Variants in SYTL2 observed in about 807,000 individuals in gnomAD.
SYTL2 encodes synaptotagmin like 2.
In SYTL2, 165 loss-of-function variants were observed where a neutral mutation model predicts 198.7. The ratio of observed to expected loss-of-function variants is 0.83; its 90% CI spans 0.73 to 0.94. The LOEUF is 0.94. SYTL2 is among the 40% of genes least tolerant of loss of function. The probability of loss-of-function intolerance (pLI) is 0.00; values close to 1 mark genes in which losing one functional copy is unlikely to be tolerated. For synonymous variants in SYTL2, 966 were observed against 917.7 expected (o/e 1.05, Z -0.95); for missense variants, 2,835 against 2,582.8 (o/e 1.10, Z -2.12).
chr11:85,809,732 T>C (rs753879260), intron 1 of SYTL2, among the ~76,000 whole-genome samples: 7 of 152,196 alleles, frequency 4.6e-5, no homozygotes, highest in Non-Finnish European at 1.0e-4. Flanking sequence ...TGGCCCATAG[T>C]AAGTGCCCAC....
chr11:85,823,231 G>C, the SYTL2 span, among the ~76,000 whole-genome samples: 1 of 152,228 alleles, frequency 6.6e-6, no homozygotes, highest in Non-Finnish European at 1.5e-5. Context: ...GTAGGCACTG[G>C]ATATATTTGT....
intron 8 of SYTL2, among the ~76,000 whole-genome samples, chr11:85,722,214 T>C (rs931988281): frequency 1.4e-5 from 2 of 147,080 alleles, no homozygotes; most frequent in Non-Finnish European, 3.0e-5. Flanking sequence ...AGTCTTGCTC[T>C]GTAGCCCAGG....
chr11:85,842,515 G>A, the SYTL2 span, among the ~76,000 whole-genome samples: 23,745 of 152,148 alleles, frequency 0.16, 2,038 homozygotes, highest in Middle Eastern at 0.2. Flanking sequence ...TTGTTTGTTA[G>A]CGTATCCTGA....
chr11:85,831,836 C>T, the SYTL2 span, among the ~76,000 whole-genome samples: 1 of 152,072 alleles, frequency 6.6e-6, no homozygotes, highest in South Asian at 2.1e-4. Flanking sequence ...ACATAAGGAA[C>T]AAACTTGGAA....
At chr11:85,705,794 G>T (rs894519391) in intron 15 of SYTL2, among the ~76,000 whole-genome samples, 2 of 152,108 alleles carry the variant, frequency 1.3e-5, no homozygotes. Flanking sequence ...AAATTATCTG[G>T]CTTTTCCTGA....
At chr11:85,807,472 T>C (rs972443005) in intron 1 of SYTL2, among the ~76,000 whole-genome samples, 2 of 152,218 alleles carry the variant, frequency 1.3e-5, no homozygotes, top group Non-Finnish European at 2.9e-5. Context: ...TTGATCCTTA[T>C]AGTGATTCTG....
At chr11:85,750,915 A>G (rs2091472835) in intron 2 of SYTL2, among the ~76,000 whole-genome samples, 1 of 152,074 alleles carries the variant, frequency 6.6e-6, no homozygotes, top group Admixed American at 6.5e-5. Flanking sequence ...GCAGAACAAC[A>G]CCCAATTTCT....
At position 85,724,173 on chromosome 11, in the gene SYTL2, TAG is replaced by T. The variant is rs749418112; in HGVS notation, c.5183_5184del (p.Ser1728TyrfsTer5). Reference protein sequence around the residue: ...PIPLLMNKENSTKTSKVELTL... With the variant: ...PIPLLMNKENXTKTSKVELTL... ...GTCAATTCAACTTTACTTGTTTTTG[TAG>T]AGTTTTCTTTGTTCATCAGGAGAGG... On this transcript the variant is annotated frameshift_variant, in exon 8 of 20. Transcript: ENST00000359152. LOFTEE classifies it high-confidence loss of function. The T allele has an allele frequency of 4.4e-6, 7 of 1,605,142 alleles. No individual in the cohort carries two copies. The highest frequency in any genetic ancestry group is 1.1e-5 in the South Asian group (1 of 88,864).
At chr11:85,705,694 C>T (rs1044328982) in intron 15 of SYTL2, among the ~76,000 whole-genome samples, 2 of 152,184 alleles carry the variant, frequency 1.3e-5, no homozygotes, top group African/African-American at 2.4e-5. Flanking sequence ...TACTTCTAAT[C>T]TAAAAATAAT....
At chr11:85,831,134 C>A in the SYTL2 span, among the ~76,000 whole-genome samples, 1 of 152,170 alleles carries the variant, frequency 6.6e-6, no homozygotes, top group African/African-American at 2.4e-5. Context: ...GAAATACAGA[C>A]TATTGAGTCA....
chr11:85,839,891 A>G, the SYTL2 span, among the ~76,000 whole-genome samples: 2 of 152,170 alleles, frequency 1.3e-5, no homozygotes, highest in African/African-American at 4.8e-5. Context: ...ACTAATTTAC[A>G]TTCCCACCAA....
chr11:85,745,465 T>C (rs2091085791), intron 4 of SYTL2, among the ~76,000 whole-genome samples, 172 bp downstream of exon 4: 1 of 152,084 alleles, frequency 6.6e-6, no homozygotes, highest in Admixed American at 6.5e-5. Flanking sequence ...TGAGAAAGAG[T>C]ACCACTTGGG....
chr11:85,700,662 TTACAGAACCA>T (rs1240009828), intron 16 of SYTL2, 69 bp from the exon 17 acceptor site: 3 of 1,154,242 alleles, frequency 2.6e-6, no homozygotes, highest in Admixed American at 1.7e-5. Context: ...ATAGGTCTCA[TTACAGAACCA>T]TATCTGTCCC....
intron 1 of SYTL2, among the ~76,000 whole-genome samples, chr11:85,804,885 T>G (rs1041574974): frequency 2.6e-5 from 4 of 152,208 alleles, no homozygotes; most frequent in Non-Finnish European, 4.4e-5. Context: ...GAAGACGTCA[T>G]GTAGAAATTG....
the SYTL2 span, among the ~76,000 whole-genome samples, chr11:85,822,726 G>C: frequency 6.6e-6 from 1 of 152,188 alleles, no homozygotes; most frequent in Non-Finnish European, 1.5e-5. Context: ...AAGTATTTAG[G>C]GACAAAGGCA....
intron 4 of SYTL2, among the ~76,000 whole-genome samples, chr11:85,742,006 G>A (rs1591841401): frequency 6.6e-6 from 1 of 152,282 alleles, no homozygotes; most frequent in South Asian, 2.1e-4. Flanking sequence ...GTGCCCAGAA[G>A]AAAACCTGCC....
chr11:85,770,725 T>C (rs1023160693), intron 1 of SYTL2, among the ~76,000 whole-genome samples: 25 of 152,154 alleles, frequency 1.6e-4, no homozygotes, highest in African/African-American at 5.8e-4. Flanking sequence ...CCCTTTCCTA[T>C]CACTCAAGTC....
intron 6 of SYTL2, among the ~76,000 whole-genome samples, chr11:85,735,658 G>A (rs150061809): frequency 0.021 from 3,180 of 151,554 alleles, 64 homozygotes; most frequent in Admixed American, 0.038. Flanking sequence ...TCAGAAGGCT[G>A]AGGCACTAGA....
intron 5 of SYTL2, 134 bp from the exon 6 acceptor site, chr11:85,736,749 T>C: frequency 1.6e-6 from 1 of 626,644 alleles, no homozygotes; most frequent in Non-Finnish European, 2.8e-6. Flanking sequence ...TGAAAAACAG[T>C]TGTCCTGATT....
Sources: gnomAD v4.1 joint callset for allele counts (sites outside exome capture counted in the v4.1 genomes callset) on GRCh38, gnomAD v4.1.1 for gene constraint, MANE v1.5 for transcripts, NCBI Gene and HGNC (gene_info 2026-07-23, HGNC 2026-07-21) for gene names.